The following SLC9A8 variants were observed in gnomAD, a reference collection of about 807,000 sequenced individuals.
SLC9A8 encodes sodium/hydrogen exchanger 8.
A neutral mutation model predicts 66.6 loss-of-function variants in SLC9A8; 48 were observed. The ratio of observed to expected loss-of-function variants is 0.72; its 90% CI spans 0.57 to 0.92. SLC9A8 has a LOEUF of 0.92. Ranked by LOEUF, SLC9A8 falls within the 40% of genes least tolerant of loss-of-function variation. The pLI, the probability that SLC9A8 is intolerant of heterozygous loss-of-function variation, is 0.00. For missense variants in SLC9A8, 599 were observed against 747.3 expected (o/e 0.80, Z 2.31); for synonymous variants, 274 against 282.6 (o/e 0.97, Z 0.31).
intron 8 of SLC9A8, among the ~76,000 whole-genome samples, chr20:49,860,602 T>A (rs2088691080): frequency 6.6e-6 from 1 of 151,942 alleles, no homozygotes; most frequent in African/African-American, 2.4e-5. Flanking sequence ...GCATCTGTAG[T>A]CCCAGCTACT....
At chr20:49,823,266 C>T in intron 3 of SLC9A8, 125 bp downstream of exon 3, 5 of 778,972 alleles carry the variant, frequency 6.4e-6, no homozygotes, top group South Asian at 5.8e-5. Context: ...ATCCTCACTG[C>T]AACCTGCCCT....
At chr20:49,821,025 A>G (rs1453963258) in intron 2 of SLC9A8, among the ~76,000 whole-genome samples, 1 of 151,974 alleles carries the variant, frequency 6.6e-6, no homozygotes, top group Non-Finnish European at 1.5e-5. Flanking sequence ...TATATTGTGG[A>G]TAGTACACCT....
intron 3 of SLC9A8, among the ~76,000 whole-genome samples, chr20:49,824,571 TA>T (rs1177001279): frequency 6.6e-6 from 1 of 152,242 alleles, no homozygotes; most frequent in Non-Finnish European, 1.5e-5. Context: ...ACATGAAAAT[TA>T]AAATGATAAT....
chr20:49,848,610 A>T (rs1228983003), intron 5 of SLC9A8, among the ~76,000 whole-genome samples: 1 of 152,198 alleles, frequency 6.6e-6, no homozygotes, highest in Non-Finnish European at 1.5e-5. Flanking sequence ...AAATAGCTTA[A>T]TTTCCTTAAT....
chr20:49,862,863 A>T, intron 8 of SLC9A8, 66 bp from the exon 9 acceptor site: 1 of 1,291,368 alleles, frequency 7.7e-7, no homozygotes, highest in Non-Finnish European at 1.1e-6. Context: ...AAATGTTTTA[A>T]GTTAATTTCT....
At chr20:49,882,003 C>T (rs968287257) in intron 13 of SLC9A8, among the ~76,000 whole-genome samples, 3 of 152,036 alleles carry the variant, frequency 2.0e-5, no homozygotes, top group African/African-American at 7.2e-5. Flanking sequence ...CTCCCAGGCT[C>T]CCCGGGCTCT....
chr20:49,823,210 A>T, intron 3 of SLC9A8, 69 bp downstream of exon 3: 1 of 1,163,068 alleles, frequency 8.6e-7, no homozygotes, highest in Non-Finnish European at 1.3e-6. Flanking sequence ...GTGCCTCTTT[A>T]GTGCCAGGAA....
chr20:49,830,674 G>C, intron 3 of SLC9A8: 1 of 656,540 alleles, frequency 1.5e-6, no homozygotes, highest in East Asian at 2.7e-5. Context: ...TGCAGCAGCT[G>C]CTTCCAGGCG....
intron 8 of SLC9A8, among the ~76,000 whole-genome samples, chr20:49,858,978 A>G (rs1230681413): frequency 6.6e-6 from 1 of 151,842 alleles, no homozygotes; most frequent in Non-Finnish European, 1.5e-5. Context: ...AAGAAAGAAA[A>G]GAAACCAAGA....
chr20:49,829,018 TGAGA>T (rs3066715), intron 3 of SLC9A8: 7 of 141,292 alleles, frequency 5.0e-5, no homozygotes, highest in South Asian at 2.3e-4. Context: ...TTTTTTTTTT[TGAGA>T]GAGAGAGAAC....
chr20:49,853,684 G>A (rs2088345537), intron 7 of SLC9A8, among the ~76,000 whole-genome samples: 1 of 152,150 alleles, frequency 6.6e-6, no homozygotes, highest in Non-Finnish European at 1.5e-5. Context: ...TTCTGCAAGT[G>A]TCTCTGGGCC....
At chr20:49,874,522 G>C (rs1393797312) in intron 10 of SLC9A8, among the ~76,000 whole-genome samples, 183 bp from the exon 11 acceptor site, 1 of 152,182 alleles carries the variant, frequency 6.6e-6, no homozygotes, top group African/African-American at 2.4e-5. Flanking sequence ...CTAGTAATGA[G>C]GCTGCCAGAG....
At position 49,812,883 on chromosome 20, in the gene SLC9A8, C is replaced by T; in HGVS notation, c.-40C>T. The T allele has an allele frequency of 6.7e-7, 1 of 1,497,446 alleles. No individual in the cohort carries two copies. The highest frequency in any genetic ancestry group is 8.9e-7 in the Non-Finnish European group (1 of 1,125,400). 92.8% of individuals were successfully genotyped at this position (1,497,446 alleles called of 1,614,324 possible). A position where few individuals can be genotyped will look rare whatever the true frequency, so the allele number is the denominator to read the frequency against. On this transcript the variant is annotated 5_prime_UTR_variant, in exon 1 of 16. Transcript: ENST00000361573. ...GGAAGCAAAAGCGGGTCCTGCTAGCCCCGCGGCTCCGAACTCGGTGGTCCT... is the reference window on the plus strand; with the variant it reads ...GGAAGCAAAAGCGGGTCCTGCTAGCTCCGCGGCTCCGAACTCGGTGGTCCT...
intron 8 of SLC9A8, among the ~76,000 whole-genome samples, chr20:49,859,514 AT>A (rs1278084786): frequency 2.7e-5 from 4 of 149,682 alleles, no homozygotes; most frequent in African/African-American, 9.8e-5. Flanking sequence ...GAAGAAAAAT[AT>A]GCTCCTGGGA....
In SLC9A8 at chr20:49,834,418, C is replaced by CTG. The variant is rs1555832143; in HGVS notation, c.290-5121_290-5120dup. 7.8e-3 allele frequency among the ~76,000 whole-genome samples: 259 copies of CTG among 32,998 alleles called. 7 individuals carry two copies. Among genetic ancestry groups the CTG allele is most frequent in the African/African-American group, 0.01 (67 of 6,522 alleles). 21.6% of individuals were successfully genotyped at this position (32,998 alleles called of 152,430 possible). On this transcript the variant is annotated intron_variant, in intron 3 of 15. Transcript: ENST00000361573. ...TATATATACTGTGTATATATATATA[C>CTG]TGTATATATATACTGTATATATATA...
At chr20:49,831,181 C>G in intron 3 of SLC9A8, 1 of 446,460 alleles carries the variant, frequency 2.2e-6, no homozygotes, top group Non-Finnish European at 4.2e-6. Flanking sequence ...CTGGACCAGC[C>G]CACCTGTCTC....
rs1555848424 is a variant in SLC9A8, at chr20:49,884,289, G to GACACACACGACACAC, written c.1491+231_1491+232insGACACACACACACAC. On this transcript the variant is annotated intron_variant, in intron 14 of 15. Coordinates refer to ENST00000361573, the MANE Select transcript of SLC9A8 (RefSeq NM_015266.3). Reference sequence around the variant, plus strand: ...ACACACACACGACACACACACACACGACACACACACACACACACACACACA... The same window carrying GACACACACGACACAC: ...ACACACACACGACACACACACACACGACACACACGACACACACACACACACACACACACACACACA... 4.9e-4 allele frequency: 19 copies of GACACACACGACACAC among 38,766 alleles called. 1 individual carries two copies. Among genetic ancestry groups the GACACACACGACACAC allele is most frequent in the East Asian group, 3.0e-3 (10 of 3,290 alleles). The allele number at this position is 38,766 out of a possible 1,614,324, so 2.4% of individuals were successfully genotyped here. A position where few individuals can be genotyped will look rare whatever the true frequency, so the allele number is the denominator to read the frequency against.
chr20:49,870,998 C>A (rs1385834793), intron 10 of SLC9A8, among the ~76,000 whole-genome samples: 8 of 152,288 alleles, frequency 5.3e-5, no homozygotes, highest in Non-Finnish European at 1.0e-4. Context: ...CCATGCCAAG[C>A]CTATTACTTT....
intron 3 of SLC9A8, among the ~76,000 whole-genome samples, chr20:49,826,074 C>G (rs1490546592): frequency 6.6e-6 from 1 of 152,176 alleles, no homozygotes; most frequent in African/African-American, 2.4e-5. Flanking sequence ...ATAGCTAGGT[C>G]TTGGGAGAAG....
Sources: allele counts gnomAD v4.1 joint callset (sites outside exome capture counted in the v4.1 genomes callset), GRCh38; gene constraint gnomAD v4.1.1; transcripts MANE v1.5; gene names NCBI Gene and HGNC (gene_info 2026-07-23, HGNC 2026-07-21).